Variants in DPY19L1 observed in about 807,000 individuals in gnomAD.
DPY19L1 encodes dpy-19 like C-mannosyltransferase 1.
A neutral mutation model predicts 96.9 loss-of-function variants in DPY19L1; 35 were observed. That is an observed-to-expected ratio of 0.36 (90% CI 0.28 to 0.48). DPY19L1 has a LOEUF of 0.48. Ranked by LOEUF, DPY19L1 falls within the 20% of genes least tolerant of loss-of-function variation. The pLI is 0.99. For missense variants in DPY19L1, 521 were observed against 777.9 expected, an observed-to-expected ratio of 0.67 and a Z score of 3.93; for synonymous variants, 205 against 252.6, an observed-to-expected ratio of 0.81 and a Z score of 1.79.
chr7:34,985,275 T>C (rs934886737), intron 7 of DPY19L1, among the ~76,000 whole-genome samples: 3 of 152,172 alleles, frequency 2.0e-5, no homozygotes, highest in African/African-American at 7.2e-5. Context: ...GGCAATGATT[T>C]CTTGGATAAG....
intron 1 of DPY19L1, among the ~76,000 whole-genome samples, chr7:35,028,969 A>C (rs1240439151): frequency 6.6e-6 from 1 of 152,212 alleles, no homozygotes; most frequent in East Asian, 1.9e-4. Context: ...TGAGGATGAC[A>C]GAGGTCACTT....
Position 35,007,117 on chromosome 7 carries a change from A to G in DPY19L1, c.764+3351T>C, listed in dbSNP as rs551960872. ...AACTAACTAGTAATCTGAAACCTCT[A>G]AATGTACTTCAGGTCAAAAAACATA... On this transcript the variant is annotated intron_variant, in intron 6 of 21. Transcript: ENST00000638088. 4.0e-4 allele frequency among the ~76,000 whole-genome samples: 61 copies of G among 152,310 alleles called. 1 individual carries two copies. The highest frequency in any genetic ancestry group is 1.3e-3 in the African/African-American group (53 of 41,564).
At chr7:35,031,040 A>C (rs1480076414) in intron 1 of DPY19L1, among the ~76,000 whole-genome samples, 1 of 152,200 alleles carries the variant, frequency 6.6e-6, no homozygotes, top group Non-Finnish European at 1.5e-5. Flanking sequence ...AGCTGATGGC[A>C]AAAGAACTAG....
intron 18 of DPY19L1, among the ~76,000 whole-genome samples, chr7:34,940,994 C>T (rs966195005): frequency 9.9e-5 from 15 of 151,954 alleles, no homozygotes; most frequent in Non-Finnish European, 1.6e-4. Context: ...TAATTTTTTC[C>T]ACATCCAAAT....
intron 7 of DPY19L1, among the ~76,000 whole-genome samples, chr7:34,977,239 T>C (rs1784849710): frequency 6.6e-6 from 1 of 152,180 alleles, no homozygotes; most frequent in Non-Finnish European, 1.5e-5. Context: ...AGTATGCCTG[T>C]ATGATCAAAA....
At chr7:35,009,561 T>C (rs1785649949) in intron 6 of DPY19L1, among the ~76,000 whole-genome samples, 1 of 152,238 alleles carries the variant, frequency 6.6e-6, no homozygotes, top group Non-Finnish European at 1.5e-5. Flanking sequence ...ATACTTCTAC[T>C]TTAACATTAA....
At chr7:35,030,420 T>C (rs1377046302) in intron 1 of DPY19L1, among the ~76,000 whole-genome samples, 3 of 152,248 alleles carry the variant, frequency 2.0e-5, no homozygotes, top group African/African-American at 7.2e-5. Flanking sequence ...TTAGTGCTAC[T>C]GTAAACTAGT....
Position 35,037,334 on chromosome 7 carries a change from G to T in DPY19L1, c.61C>A (p.Arg21Ser), listed in dbSNP as rs1221594214. The change falls in exon 1 of 22, where the codon CGC becomes AGC. Residue 21 changes from arginine to serine, a missense_variant. Physicochemically the swap from Arg to Ser is moderately radical, Grantham distance 110. Transcript: ENST00000638088. ...CCCCTCAGCGGCGACTGTGAGGCGC[G>T]GGGTGGCTGGGGCGGCTTGGGAGCC... ...EAAPKPPQPP[R>S]ASQSPLRGAS... 3 of 356,682 alleles carry T rather than the reference G, an allele frequency of 8.4e-6. No individual in the cohort carries two copies. Among genetic ancestry groups the T allele is most frequent in the East Asian group, 8.1e-5 (2 of 24,592 alleles). The allele number at this position is 356,682 out of a possible 1,614,324, so 22.1% of individuals were successfully genotyped here. A position where few individuals can be genotyped will look rare whatever the true frequency, so the allele number is the denominator to read the frequency against.
chr7:34,987,250 G>A (rs1266111219), intron 7 of DPY19L1, among the ~76,000 whole-genome samples: 1 of 151,984 alleles, frequency 6.6e-6, no homozygotes, highest in Non-Finnish European at 1.5e-5. Flanking sequence ...ATTTACTAAA[G>A]AAGCTTGATC....
chr7:35,037,828 C>A, upstream of DPY19L1: 2 of 1,230,106 alleles, frequency 1.6e-6, no homozygotes, highest in Non-Finnish European at 2.0e-6. Context: ...CTCTTCGGCG[C>A]CCGCGCGGGG....
intron 1 of DPY19L1, among the ~76,000 whole-genome samples, chr7:35,020,541 A>G (rs1188093702): frequency 6.6e-6 from 1 of 152,122 alleles, no homozygotes; most frequent in Admixed American, 6.5e-5. Context: ...GGAGTTAAAC[A>G]TTTTTTTCCT....
intron 6 of DPY19L1, among the ~76,000 whole-genome samples, chr7:35,003,497 T>C (rs1158971566): frequency 9.9e-5 from 15 of 152,220 alleles, no homozygotes; most frequent in Non-Finnish European, 1.5e-4. Flanking sequence ...AAGACACTTA[T>C]ATCACTCACA....
chr7:35,018,681 C>T, intron 1 of DPY19L1, 85 bp from the exon 2 acceptor site: 1 of 1,229,828 alleles, frequency 8.1e-7, no homozygotes, highest in Admixed American at 2.0e-5. Flanking sequence ...TAAAGCATGT[C>T]AAATATTGAA....
chr7:34,942,252 G>A (rs1047116477), intron 17 of DPY19L1, among the ~76,000 whole-genome samples: 3 of 152,054 alleles, frequency 2.0e-5, no homozygotes, highest in African/African-American at 7.2e-5. Context: ...AAACCAGACT[G>A]GACAACTAGG....
chr7:34,970,420 A>T (rs1784699966), intron 8 of DPY19L1, among the ~76,000 whole-genome samples: 1 of 152,216 alleles, frequency 6.6e-6, no homozygotes, highest in Non-Finnish European at 1.5e-5. Flanking sequence ...CTTATGGAAT[A>T]AAATTCAGCA....
At position 34,988,951 on chromosome 7, in the gene DPY19L1, G is replaced by A. The variant is rs147154559; in HGVS notation, c.822+933C>T. ...GCATTTACACATATGAATTCACTTA[G>A]TCTCTGCAATAATCCTATGAGGTGG... is the stretch of plus-strand genomic sequence containing the variant. On this transcript the variant is annotated intron_variant, in intron 7 of 21. Coordinates refer to ENST00000638088, the MANE Select transcript of DPY19L1 (RefSeq NM_001366673.1). Among the ~76,000 whole-genome samples the A allele has an allele frequency of 2.2e-3, 328 of 152,274 alleles. 2 individuals carry two copies. The highest frequency in any genetic ancestry group is 7.3e-3 in the African/African-American group (305 of 41,550).
At chr7:35,014,040 G>C (rs924467827) in intron 3 of DPY19L1, among the ~76,000 whole-genome samples, 3 of 152,124 alleles carry the variant, frequency 2.0e-5, no homozygotes, top group African/African-American at 2.4e-5. Flanking sequence ...AATAGAGTGA[G>C]TGGTTTATTA....
chr7:34,935,446 T>C (rs1783849142), intron 21 of DPY19L1, among the ~76,000 whole-genome samples: 2 of 152,250 alleles, frequency 1.3e-5, no homozygotes, highest in African/African-American at 4.8e-5. Flanking sequence ...AATTTAAAAC[T>C]AATCTACAAC....
At chr7:35,035,893 G>T (rs1217396593) in intron 1 of DPY19L1, among the ~76,000 whole-genome samples, 1 of 143,544 alleles carries the variant, frequency 7.0e-6, no homozygotes, top group Non-Finnish European at 1.5e-5. Flanking sequence ...AGCTTTTCAA[G>T]CTTGCTACTG....
Sources: allele counts gnomAD v4.1 joint callset (sites outside exome capture counted in the v4.1 genomes callset), GRCh38; gene constraint gnomAD v4.1.1; transcripts MANE v1.5; gene names NCBI Gene and HGNC (gene_info 2026-07-23, HGNC 2026-07-21).